Variants in KHDRBS2 observed in about 807,000 individuals in gnomAD.
The protein encoded by KHDRBS2 is KH RNA binding domain containing, signal transduction associated 2.
A neutral mutation model predicts 44.3 loss-of-function variants in KHDRBS2; 26 were observed. The ratio of observed to expected loss-of-function variants is 0.59; its 90% CI spans 0.43 to 0.81. The LOEUF is 0.81. KHDRBS2 is among the 40% of genes least tolerant of loss of function. The pLI is 0.00. For synonymous variants in KHDRBS2, 194 were observed against 151.1 expected, an observed-to-expected ratio of 1.28 and a Z score of -2.08; for missense variants, 476 against 433.1, an observed-to-expected ratio of 1.10 and a Z score of -0.88.
At chr6:61,953,397 T>G (rs1401087398) in intron 4 of KHDRBS2, among the ~76,000 whole-genome samples, 1 of 152,016 alleles carries the variant, frequency 6.6e-6, no homozygotes, top group East Asian at 1.9e-4. Flanking sequence ...GGCCAGCATT[T>G]TTGAAATTTC....
intron 4 of KHDRBS2, among the ~76,000 whole-genome samples, chr6:61,975,344 A>G (rs1772357349): frequency 6.6e-6 from 1 of 152,184 alleles, no homozygotes; most frequent in South Asian, 2.1e-4. Context: ...CTTACTGCCT[A>G]GAATTCTTCA....
chr6:62,201,181 A>G (rs1227681033), intron 1 of KHDRBS2, among the ~76,000 whole-genome samples: 1 of 152,104 alleles, frequency 6.6e-6, no homozygotes, highest in East Asian at 1.9e-4. Flanking sequence ...ACATGTATAC[A>G]TATATAACAA....
intron 6 of KHDRBS2, among the ~76,000 whole-genome samples, chr6:61,825,804 T>C (rs1790767390): frequency 6.6e-6 from 1 of 152,126 alleles, no homozygotes; most frequent in African/African-American, 2.4e-5. Flanking sequence ...AGTCTTGGTG[T>C]CCTCGTGTAC....
chr6:61,954,570 GTATGTAGACATATTTATGTA>G (rs1562510772), intron 4 of KHDRBS2, among the ~76,000 whole-genome samples: 6 of 143,666 alleles, frequency 4.2e-5, no homozygotes, highest in Non-Finnish European at 7.6e-5. Context: ...ACATACATAC[GTATGTAGACATATTTATGTA>G]TATATACACA....
chr6:61,809,572 C>T (rs558624724), intron 6 of KHDRBS2, among the ~76,000 whole-genome samples: 1 of 151,994 alleles, frequency 6.6e-6, no homozygotes, highest in African/African-American at 2.4e-5. Flanking sequence ...ATAAAAAAAA[C>T]CTAAAGCCAA....
chr6:61,608,521 G>A, the KHDRBS2 span, among the ~76,000 whole-genome samples: 2 of 151,870 alleles, frequency 1.3e-5, no homozygotes, highest in African/African-American at 2.4e-5. Context: ...CAGGTGCCAT[G>A]GTGGTTTGCT....
the KHDRBS2 span, among the ~76,000 whole-genome samples, chr6:61,637,908 G>T: frequency 1.3e-5 from 2 of 151,912 alleles, no homozygotes; most frequent in African/African-American, 4.8e-5. Context: ...AAATTTGTTT[G>T]AGTTCATTGT....
chr6:62,047,482 A>C (rs1271871994), intron 3 of KHDRBS2, among the ~76,000 whole-genome samples: 1 of 151,926 alleles, frequency 6.6e-6, no homozygotes, highest in Non-Finnish European at 1.5e-5. Flanking sequence ...AATAGAGCAG[A>C]GAGATAAAAT....
chr6:62,163,468 T>G (rs1052218862), intron 2 of KHDRBS2, among the ~76,000 whole-genome samples: 8 of 152,072 alleles, frequency 5.3e-5, no homozygotes, highest in African/African-American at 9.7e-5. Context: ...GCACAAATAC[T>G]GTAGAAATGA....
At chr6:61,788,863 T>C (rs552306609) in intron 6 of KHDRBS2, among the ~76,000 whole-genome samples, 1 of 151,186 alleles carries the variant, frequency 6.6e-6, no homozygotes, top group East Asian at 1.9e-4. Context: ...CTATACAAAA[T>C]TTTCCAATAA....
At chr6:61,582,510 G>C in the KHDRBS2 span, among the ~76,000 whole-genome samples, 1 of 151,722 alleles carries the variant, frequency 6.6e-6, no homozygotes, top group African/African-American at 2.4e-5. Flanking sequence ...ATTCAGAGAA[G>C]AGGTGGTTTT....
intron 6 of KHDRBS2, among the ~76,000 whole-genome samples, chr6:61,856,598 A>G (rs1043307668): frequency 4.0e-5 from 6 of 151,558 alleles, no homozygotes; most frequent in African/African-American, 9.7e-5. Flanking sequence ...TATTTTCAAG[A>G]TAAGTTTTAT....
At chr6:61,947,346 C>T (rs1287315582) in intron 4 of KHDRBS2, among the ~76,000 whole-genome samples, 1 of 152,138 alleles carries the variant, frequency 6.6e-6, no homozygotes, top group Non-Finnish European at 1.5e-5. Flanking sequence ...CTGCCCAATT[C>T]ATTACTCAAC....
chr6:62,262,034 A>T (rs1838430584), intron 1 of KHDRBS2, among the ~76,000 whole-genome samples: 1 of 151,654 alleles, frequency 6.6e-6, no homozygotes, highest in South Asian at 2.1e-4. Flanking sequence ...ATTTCCATTG[A>T]GTTATTTTTT....
At chr6:61,633,474 A>G in the KHDRBS2 span, among the ~76,000 whole-genome samples, 1 of 152,134 alleles carries the variant, frequency 6.6e-6, no homozygotes, top group Non-Finnish European at 1.5e-5. Context: ...AATTTTAAAT[A>G]TACTGGAAAA....
chr6:62,149,813 C>T (rs1814714010), intron 2 of KHDRBS2, among the ~76,000 whole-genome samples: 1 of 152,128 alleles, frequency 6.6e-6, no homozygotes, highest in Admixed American at 6.5e-5. Context: ...CATGGTGATG[C>T]ACTCTATCTT....
chr6:61,685,648 C>T (rs1766736148), intron 8 of KHDRBS2, among the ~76,000 whole-genome samples: 1 of 151,776 alleles, frequency 6.6e-6, no homozygotes, highest in South Asian at 2.1e-4. Flanking sequence ...CACTGAGGAA[C>T]ATTTGACTGT....
At chr6:61,543,488 C>T in the KHDRBS2 span, among the ~76,000 whole-genome samples, 1 of 151,958 alleles carries the variant, frequency 6.6e-6, no homozygotes, top group African/African-American at 2.4e-5. Context: ...CCCTCATACA[C>T]TAATTGACTA....
chr6:61,714,874 G>A (rs1371562827), intron 7 of KHDRBS2, among the ~76,000 whole-genome samples: 1 of 151,772 alleles, frequency 6.6e-6, no homozygotes, highest in Non-Finnish European at 1.5e-5. Flanking sequence ...GTGTGGAATG[G>A]CAGACAATGG....
Sources: allele counts gnomAD v4.1 joint callset (sites outside exome capture counted in the v4.1 genomes callset), GRCh38; gene constraint gnomAD v4.1.1; transcripts MANE v1.5; gene names NCBI Gene and HGNC (gene_info 2026-07-23, HGNC 2026-07-21).